The following TBL1XR1 variants were observed in gnomAD, a reference collection of about 807,000 sequenced individuals.
TBL1XR1 encodes F-box-like/WD repeat-containing protein TBL1XR1.
In TBL1XR1, 5 loss-of-function variants were observed where a neutral mutation model predicts 66.9. That is an observed-to-expected ratio of 0.07 (90% CI 0.04 to 0.16). The LOEUF (loss-of-function observed/expected upper bound fraction) is 0.16, where lower values mean the gene tolerates loss of function less well. TBL1XR1 is among the 10% of genes least tolerant of loss of function. TBL1XR1 has a pLI of 1.00. For synonymous variants in TBL1XR1, 210 were observed against 206.0 expected (o/e 1.02, Z -0.17); for missense variants, 238 against 623.2 (o/e 0.38, Z 6.58).
At chr3:177,080,715 C>T (rs1257304801) in intron 2 of TBL1XR1, among the ~76,000 whole-genome samples, 1 of 152,102 alleles carries the variant, frequency 6.6e-6, no homozygotes, top group Non-Finnish European at 1.5e-5. Context: ...AATCAAACAT[C>T]TATCAGTAAC....
intron 1 of TBL1XR1, among the ~76,000 whole-genome samples, chr3:177,108,573 T>C (rs1725163849): frequency 6.6e-6 from 1 of 152,208 alleles, no homozygotes; most frequent in African/African-American, 2.4e-5. Flanking sequence ...TCCTATTGAA[T>C]GCCTAAAGGC....
chr3:177,075,626 T>G (rs907232305), intron 2 of TBL1XR1, among the ~76,000 whole-genome samples: 1 of 152,158 alleles, frequency 6.6e-6, no homozygotes, highest in African/African-American at 2.4e-5. Context: ...TGTTTCCCAA[T>G]CTAAATAGAC....
chr3:177,137,410 T>C (rs1729128825), intron 1 of TBL1XR1, among the ~76,000 whole-genome samples: 2 of 152,214 alleles, frequency 1.3e-5, no homozygotes, highest in African/African-American at 4.8e-5. Flanking sequence ...GAAGATCAAC[T>C]GATTAAGCCC....
chr3:177,116,133 C>T (rs932293606), intron 1 of TBL1XR1, among the ~76,000 whole-genome samples: 24 of 152,178 alleles, frequency 1.6e-4, no homozygotes, highest in Non-Finnish European at 5.9e-5. Flanking sequence ...CAGTACCTTC[C>T]TGTCTCACAA....
intron 12 of TBL1XR1, among the ~76,000 whole-genome samples, chr3:177,035,808 T>G (rs903400219): frequency 6.6e-6 from 1 of 152,188 alleles, no homozygotes; most frequent in African/African-American, 2.4e-5. Flanking sequence ...CCAGTCCAGC[T>G]GAGGGTGTCC....
At chr3:177,064,674 A>G (rs190352438) in intron 3 of TBL1XR1, among the ~76,000 whole-genome samples, 7 of 152,288 alleles carry the variant, frequency 4.6e-5, no homozygotes, top group Admixed American at 4.6e-4. Flanking sequence ...CTCATAACAG[A>G]TTATAAAAAT....
intron 1 of TBL1XR1, among the ~76,000 whole-genome samples, chr3:177,125,152 T>TGTGTAAATCATATCAC (rs2108768098): frequency 6.6e-6 from 1 of 152,240 alleles, no homozygotes; most frequent in African/African-American, 2.4e-5. Flanking sequence ...GGACAAAAGT[T>TGTGTAAATCATATCAC]GTGTAAATCA....
intron 1 of TBL1XR1, among the ~76,000 whole-genome samples, chr3:177,124,982 T>C (rs1727433732): frequency 6.6e-6 from 1 of 151,868 alleles, no homozygotes; most frequent in South Asian, 2.1e-4. Flanking sequence ...GAAGAAAACA[T>C]ACAGGTCAAT....
intron 1 of TBL1XR1, among the ~76,000 whole-genome samples, chr3:177,160,096 T>C (rs1053111165): frequency 1.1e-4 from 17 of 152,212 alleles, no homozygotes; most frequent in Admixed American, 9.2e-4. Flanking sequence ...AACAAAATAA[T>C]AGTACTTTCT....
intron 2 of TBL1XR1, among the ~76,000 whole-genome samples, chr3:177,069,774 AAAGGAAGGAAAAGGAAGGAAAGGAAGG>A (rs1560138553): frequency 1.9e-4 from 18 of 94,836 alleles, no homozygotes; most frequent in East Asian, 1.3e-3. Context: ...GAAAGGAAGG[AAAGGAAGGAAAAGGAAGGAAAGGAAGG>A]AAGGAAGGAA....
chr3:177,083,844 C>T (rs1283687133), intron 2 of TBL1XR1, among the ~76,000 whole-genome samples: 1 of 151,850 alleles, frequency 6.6e-6, no homozygotes, highest in Non-Finnish European at 1.5e-5. Flanking sequence ...AATCCCAGCA[C>T]TCTGGGAAGC....
At chr3:177,136,137 C>T (rs976128469) in intron 1 of TBL1XR1, 2 of 151,958 alleles carry the variant, frequency 1.3e-5, no homozygotes, top group African/African-American at 4.8e-5. Flanking sequence ...AATACGAGTG[C>T]ATCACATGAA....
intron 2 of TBL1XR1, among the ~76,000 whole-genome samples, chr3:177,078,152 T>C (rs1720920096): frequency 6.6e-6 from 1 of 152,250 alleles, no homozygotes; most frequent in South Asian, 2.1e-4. Context: ...TGTCATGATC[T>C]GGTTTCTCTT....
At position 177,193,140 on chromosome 3, in the gene TBL1XR1, G is replaced by A. The variant is rs939260131; in HGVS notation, c.-122+3981C>T. Among the ~76,000 whole-genome samples the A allele has an allele frequency of 4.6e-5, 7 of 151,552 alleles. No individual in the cohort carries two copies. The East Asian group carries it at 5.9e-4, about 13-fold the overall frequency. On this transcript the variant is annotated intron_variant, in intron 1 of 15. Transcript: ENST00000457928. ...TGCACTCCAGCCTGGGCAACAGAGC[G>A]AAACTCCGTCTCAAAAAAATAAAAT...
intron 9 of TBL1XR1, among the ~76,000 whole-genome samples, chr3:177,047,055 G>GT: frequency 6.6e-6 from 1 of 152,272 alleles, no homozygotes; most frequent in South Asian, 2.1e-4. Context: ...AGTGCAGGAC[G>GT]TATGACATTG....
intron 1 of TBL1XR1, among the ~76,000 whole-genome samples, chr3:177,109,515 G>C (rs1725298856): frequency 6.6e-6 from 1 of 152,072 alleles, no homozygotes; most frequent in South Asian, 2.1e-4. Flanking sequence ...AAGAAAGGAA[G>C]AAGGAAGAAA....
chr3:177,092,646 G>C (rs558678905), intron 2 of TBL1XR1, among the ~76,000 whole-genome samples: 4 of 152,070 alleles, frequency 2.6e-5, no homozygotes, highest in African/African-American at 9.6e-5. Context: ...CCAGTGTGTA[G>C]AACCCTGTTG....
chr3:177,134,494 T>C (rs982834757), intron 1 of TBL1XR1, among the ~76,000 whole-genome samples: 1 of 152,182 alleles, frequency 6.6e-6, no homozygotes, highest in Non-Finnish European at 1.5e-5. Context: ...CTATAACACA[T>C]GCCAATTATC....
chr3:177,140,125 A>C (rs907114676), intron 1 of TBL1XR1, among the ~76,000 whole-genome samples: 1 of 152,060 alleles, frequency 6.6e-6, no homozygotes, highest in Non-Finnish European at 1.5e-5. Context: ...ATATGATGAA[A>C]CCACGTCTCT....
Sources: gnomAD v4.1 joint callset for allele counts (sites outside exome capture counted in the v4.1 genomes callset) on GRCh38, gnomAD v4.1.1 for gene constraint, MANE v1.5 for transcripts, NCBI Gene and HGNC (gene_info 2026-07-23, HGNC 2026-07-21) for gene names.